Variants in ESR1 observed in about 807,000 individuals in gnomAD.
ESR1 encodes the protein estrogen receptor 1.
Under a neutral mutation model 52.7 loss-of-function variants are expected in ESR1, and 12 were observed. That is an observed-to-expected ratio of 0.23 (90% CI 0.15 to 0.37). The LOEUF (loss-of-function observed/expected upper bound fraction) is 0.37. Ranked by LOEUF, ESR1 falls within the 10% of genes least tolerant of loss-of-function variation. ESR1 has a pLI of 1.00. For synonymous variants in ESR1, 305 were observed against 316.8 expected (o/e 0.96, Z 0.39); for missense variants, 584 against 779.7 (o/e 0.75, Z 2.99).
chr6:151,987,872 G>A (rs954482604), intron 4 of ESR1, among the ~76,000 whole-genome samples: 2 of 152,054 alleles, frequency 1.3e-5, no homozygotes, highest in Non-Finnish European at 2.9e-5. Context: ...CTATTGCTTT[G>A]TTACTTGTAC....
chr6:151,756,114 T>A (rs1344798978), intron 2 of ESR1, among the ~76,000 whole-genome samples: 1 of 152,152 alleles, frequency 6.6e-6, no homozygotes, highest in Non-Finnish European at 1.5e-5. Context: ...TCCTTCATTT[T>A]CTTCAGGTGA....
At chr6:152,001,917 G>A (rs1404720539) in intron 4 of ESR1, among the ~76,000 whole-genome samples, 1 of 151,906 alleles carries the variant, frequency 6.6e-6, no homozygotes, top group Non-Finnish European at 1.5e-5. Flanking sequence ...GAGACCCTTG[G>A]ACCCCAAAGG....
At chr6:152,077,533 CCA>C (rs2048841343) in intron 6 of ESR1, among the ~76,000 whole-genome samples, 2 of 152,090 alleles carry the variant, frequency 1.3e-5, no homozygotes, top group African/African-American at 4.8e-5. Context: ...ACAGCTTGCA[CCA>C]TGTGCCTGGA....
rs1039810755 is a variant in ESR1 at position 151,795,542 on chromosome 6, G to C, written c.-70-12301G>C. Among the ~76,000 whole-genome samples, 4 of 149,834 alleles carry C rather than the reference G, an allele frequency of 2.7e-5. No individual in the cohort carries two copies. In the East Asian group the frequency reaches 7.8e-4, roughly 29 times the overall value. ...GATAGATTACTTGGCCTCAATCATA[G>C]TAAAAAAGTGTCAGTTAAAACTGCA... is the stretch of plus-strand genomic sequence containing the variant. On this transcript the variant is annotated intron_variant, in intron 2 of 2. Coordinates refer to the ESR1 transcript ENST00000404742.
At chr6:151,913,338 C>T (rs566524645) in intron 3 of ESR1, among the ~76,000 whole-genome samples, 2 of 152,280 alleles carry the variant, frequency 1.3e-5, no homozygotes, top group African/African-American at 2.4e-5. Context: ...ACACACAGGT[C>T]TGTGAATGGA....
At chr6:151,790,727 T>A (rs1239317453) in intron 2 of ESR1, among the ~76,000 whole-genome samples, 1 of 152,138 alleles carries the variant, frequency 6.6e-6, no homozygotes, top group Non-Finnish European at 1.5e-5. Context: ...TTTGACCAAA[T>A]GAACATGTTC....
intron 1 of ESR1, among the ~76,000 whole-genome samples, chr6:151,670,018 C>T (rs1777993964): frequency 6.6e-6 from 1 of 152,184 alleles, no homozygotes; most frequent in South Asian, 2.1e-4. Flanking sequence ...AATGGCCTCA[C>T]TTTGCACTTC....
At chr6:152,047,959 T>C (rs924113506) in intron 5 of ESR1, among the ~76,000 whole-genome samples, 4 of 113,432 alleles carry the variant, frequency 3.5e-5, no homozygotes, top group South Asian at 3.3e-4. Flanking sequence ...CTCAAGCATT[T>C]TTTTTTTTTT....
chr6:151,673,068 C>T (rs1293322018), intron 1 of ESR1, among the ~76,000 whole-genome samples: 2 of 151,882 alleles, frequency 1.3e-5, no homozygotes, highest in Non-Finnish European at 2.9e-5. Flanking sequence ...CCTCGTGATC[C>T]GCCCGCCTCA....
rs181956910 is a variant in ESR1 at position 151,971,302 on chromosome 6, G to A, written c.1096+26794G>A. ...TTGGTGCATCCATCACACGAGCGGT[G>A]TACACTGTATCTAGTTTGTAATTTT... On this transcript the variant is annotated intron_variant, in intron 4 of 7. Coordinates refer to ENST00000206249, the MANE Select transcript of ESR1 (RefSeq NM_000125.4). Among the ~76,000 whole-genome samples the A allele has an allele frequency of 1.8e-4, 28 of 152,168 alleles. No homozygotes were observed. The East Asian group carries it at 3.9e-3, about 21-fold the overall frequency.
chr6:151,836,363 T>G (rs751606579), intron 1 of ESR1, among the ~76,000 whole-genome samples: 7 of 152,130 alleles, frequency 4.6e-5, no homozygotes, highest in African/African-American at 7.2e-5. Flanking sequence ...AGGAACAAAG[T>G]CACGTCTTAC....
intron 3 of ESR1, among the ~76,000 whole-genome samples, chr6:151,903,753 T>C (rs1264260409): frequency 6.6e-6 from 1 of 152,208 alleles, no homozygotes; most frequent in Non-Finnish European, 1.5e-5. Context: ...GCTGGCTGCT[T>C]GGCACTGCAT....
intron 3 of ESR1, among the ~76,000 whole-genome samples, chr6:151,898,384 A>ATTTTTTTTTTTTTTTTTTTCT: frequency 9.9e-6 from 1 of 101,236 alleles, no homozygotes; most frequent in Non-Finnish European, 2.2e-5. Context: ...GGTTTTGTTC[A>ATTTTTTTTTTTTTTTTTTTCT]TTTTTTTTTT....
Position 152,100,650 on chromosome 6 carries a change from T to C in ESR1, c.*1684T>C. 4.3e-6 allele frequency: 1 copy of C among 231,168 alleles called. No individual in the cohort carries two copies. Among genetic ancestry groups the C allele is most frequent in the Non-Finnish European group, 8.6e-6 (1 of 116,732 alleles). 14.3% of individuals were successfully genotyped at this position (231,168 alleles called of 1,614,324 possible). A position where few individuals can be genotyped will look rare whatever the true frequency, so the allele number is the denominator to read the frequency against. ...CCCTATTGAGAGGTGATGTCTGTGT[T>C]AGCCAATGACCCAGGTGAGCTGCTC... On this transcript the variant is annotated 3_prime_UTR_variant, in exon 8 of 8. Transcript: ENST00000206249.
intron 1 of ESR1, among the ~76,000 whole-genome samples, chr6:151,827,611 C>T (rs754524437): frequency 6.6e-5 from 10 of 152,042 alleles, no homozygotes; most frequent in South Asian, 6.2e-4. Flanking sequence ...TAAATATTTC[C>T]GTCTACACTT....
At chr6:151,867,519 A>C (rs1790153969) in intron 2 of ESR1, among the ~76,000 whole-genome samples, 1 of 152,154 alleles carries the variant, frequency 6.6e-6, no homozygotes, top group South Asian at 2.1e-4. Flanking sequence ...TGCCAACAAC[A>C]TAAATATGCT....
intron 2 of ESR1, among the ~76,000 whole-genome samples, chr6:151,846,327 G>C (rs1179614348): frequency 6.6e-6 from 1 of 152,168 alleles, no homozygotes; most frequent in Non-Finnish European, 1.5e-5. Context: ...GCATTTCCAT[G>C]TATTTGATTT....
chr6:151,993,210 TGGGCA>T (rs1376216890), intron 4 of ESR1, among the ~76,000 whole-genome samples: 2 of 152,186 alleles, frequency 1.3e-5, no homozygotes, highest in Non-Finnish European at 2.9e-5. Context: ...AAAGTTGTCC[TGGGCA>T]ACTGCCAATC....
chr6:151,826,080 G>C (rs1002372466), intron 1 of ESR1, among the ~76,000 whole-genome samples: 10 of 152,004 alleles, frequency 6.6e-5, no homozygotes, highest in African/African-American at 2.4e-4. Context: ...TGCGGGGAGG[G>C]GGGTGGCGGG....
Sources: gnomAD v4.1 joint callset for allele counts (sites outside exome capture counted in the v4.1 genomes callset) on GRCh38, gnomAD v4.1.1 for gene constraint, MANE v1.5 for transcripts, NCBI Gene and HGNC (gene_info 2026-07-23, HGNC 2026-07-21) for gene names.